The following OTOG variants were observed in gnomAD, a reference collection of about 807,000 sequenced individuals.
OTOG encodes the protein otogelin.
Under a neutral mutation model 313.8 loss-of-function variants are expected in OTOG, and 296 were observed. The observed-to-expected ratio is 0.94, with a 90% CI of 0.86 to 1.04. OTOG has a LOEUF of 1.04. Among genes scored for constraint, OTOG ranks in the 50% least tolerant of loss-of-function variants. The pLI, the probability that OTOG is intolerant of heterozygous loss-of-function variation, is 0.00. For synonymous variants in OTOG, 1,533 were observed against 1,554.9 expected (o/e 0.99, Z 0.33); for missense variants, 3,948 against 3,840.1 (o/e 1.03, Z -0.74).
At chr11:17,585,938 C>T (rs1852783870) in intron 23 of OTOG, among the ~76,000 whole-genome samples, 1 of 152,222 alleles carries the variant, frequency 6.6e-6, no homozygotes, top group African/African-American at 2.4e-5. Context: ...CTTAGCCCTG[C>T]CCCAGGCTGT....
chr11:17,571,519 C>T (rs531207130), intron 17 of OTOG, among the ~76,000 whole-genome samples: 87 of 152,260 alleles, frequency 5.7e-4, no homozygotes, highest in African/African-American at 2.0e-3. Context: ...CCTTGTATGA[C>T]GGTTTCCTAC....
At chr11:17,571,722 G>T (rs1418559677) in intron 17 of OTOG, among the ~76,000 whole-genome samples, 1 of 152,106 alleles carries the variant, frequency 6.6e-6, no homozygotes, top group Non-Finnish European at 1.5e-5. Context: ...AGCCCATTTT[G>T]AGCCCTTTTG....
intron 47 of OTOG, among the ~76,000 whole-genome samples, chr11:17,636,563 TGA>T (rs1181240923): frequency 6.6e-6 from 1 of 152,078 alleles, no homozygotes; most frequent in Non-Finnish European, 1.5e-5. Context: ...TCCCATCCCA[TGA>T]GAGTTGCCCA....
At chr11:17,631,944 C>T in intron 41 of OTOG, 22 bp downstream of exon 41, 2 of 1,547,736 alleles carry the variant, frequency 1.3e-6, no homozygotes, top group Non-Finnish European at 1.7e-6. Flanking sequence ...CTGGGTCCAG[C>T]ACTGGGGACA....
At chr11:17,632,440 C>T (rs1201611175) in intron 42 of OTOG, among the ~76,000 whole-genome samples, 1 of 151,894 alleles carries the variant, frequency 6.6e-6, no homozygotes, top group Admixed American at 6.6e-5. Context: ...CTAATGAACA[C>T]ATTTATTATG....
Position 17,569,253 on chromosome 11 carries a change from T to C in OTOG, c.1742T>C (p.Phe581Ser), listed in dbSNP as rs1005555470. Residue 581 changes from phenylalanine to serine, a missense_variant, in exon 16 of 56, where the codon TTT (phenylalanine) becomes TCT (serine). Coordinates refer to ENST00000399397, the MANE Select transcript of OTOG (RefSeq NM_001292063.2). Reference sequence around the variant, plus strand: ...ACCCAGGCAGGGGATGTCCTTCTGTTTGACCAGTACAAGATCATCCCGCCA... The same window carrying C: ...ACCCAGGCAGGGGATGTCCTTCTGTCTGACCAGTACAAGATCATCCCGCCA... ...TLTQAGDVLL[F>S]DQYKIIPPYT... The C allele has an allele frequency of 5.2e-6, 8 of 1,550,428 alleles. No individual in the cohort carries two copies. In the African/African-American group the frequency reaches 1.1e-4, roughly 21 times the overall value.
chr11:17,572,583 C>G (rs907711902), intron 18 of OTOG, among the ~76,000 whole-genome samples: 4 of 152,192 alleles, frequency 2.6e-5, no homozygotes, highest in Non-Finnish European at 4.4e-5. Context: ...ACAGTCAGGA[C>G]TGCTCTCCTC....
chr11:17,579,628 G>A (rs2134038351), intron 23 of OTOG, among the ~76,000 whole-genome samples: 1 of 152,326 alleles, frequency 6.6e-6, no homozygotes, highest in Admixed American at 6.5e-5. Flanking sequence ...GCAACCCTAG[G>A]CCTGACCACC....
At chr11:17,571,177 T>C (rs11821764) in intron 17 of OTOG, among the ~76,000 whole-genome samples, 4,886 of 152,280 alleles carry the variant, frequency 0.032, 264 homozygotes, top group African/African-American at 0.11. Flanking sequence ...TTTCAATGCA[T>C]ATATATTTAA....
At position 17,609,655 on chromosome 11, in the gene OTOG, G is replaced by C; in HGVS notation, c.4355G>C (p.Cys1452Ser). 6.7e-7 allele frequency: 1 copy of C among 1,486,556 alleles called. No homozygotes were observed. Among genetic ancestry groups the C allele is most frequent in the Non-Finnish European group, 9.0e-7 (1 of 1,113,650 alleles). 92.1% of individuals were successfully genotyped at this position (1,486,556 alleles called of 1,614,324 possible). A position where few individuals can be genotyped will look rare whatever the true frequency, so the allele number is the denominator to read the frequency against. The change falls in exon 36 of 56, where the codon TGT (cysteine) becomes TCT (serine). Residue 1452 changes from cysteine (C) to serine (S), a missense_variant and splice_region_variant. Transcript: ENST00000399397. ...TGAACCTCTTCTTTTGTCTCCGCAG[G>C]TGTGGAGCCAGCAGTTTGGGTTCCC... The part of the protein sequence containing the change: ...VTQRCVYLED[C>S]VEPAVWVPTE...
In OTOG at chr11:17,634,825, C is replaced by T. The variant is rs764248564; in HGVS notation, c.7481-19C>T. 5.8e-6 allele frequency: 9 copies of T among 1,546,578 alleles called. 1 individual carries two copies. In the South Asian group the frequency reaches 6.0e-5, roughly 10 times the overall value. On this transcript the variant is annotated intron_variant, in intron 44 of 55. Coordinates refer to ENST00000399397, the MANE Select transcript of OTOG (RefSeq NM_001292063.2). ...ACATCCGGCCCCGAGGTGACAGGCC[C>T]TGTGGTCCCCGGGGCCAGTGTGTAA...
intron 17 of OTOG, among the ~76,000 whole-genome samples, chr11:17,571,877 C>T (rs1035407568): frequency 4.6e-5 from 7 of 151,994 alleles, no homozygotes; most frequent in African/African-American, 1.7e-4. Flanking sequence ...TATTTGTGCT[C>T]TGTGTGTGTG....
intron 29 of OTOG, 70 bp from the exon 30 acceptor site, chr11:17,596,781 A>C: frequency 7.2e-7 from 1 of 1,392,796 alleles, no homozygotes; most frequent in Non-Finnish European, 9.9e-7. Flanking sequence ...GCTGGTCGTC[A>C]TCAGCTGAAA....
Position 17,645,855 on chromosome 11 carries a change from C to T in OTOG, c.8653C>T (p.Arg2885Cys), listed in dbSNP as rs185641221. The change falls in exon 56 of 56, where the codon CGC becomes TGC. Residue 2885 changes from arginine to cysteine, a missense_variant. By Grantham distance (180) the Arg-to-Cys change is radical. Transcript: ENST00000399397. ...CTGCCGTGAGGTGGGCCTGCAGCGG[C>T]GCTCTGTGCAGCTCTTCTGTGCCAC... ...KCCREVGLQR[R>C]SVQLFCATNA... 2.8e-5 allele frequency: 43 copies of T among 1,550,842 alleles called. No homozygotes were observed. The highest frequency in any genetic ancestry group is 2.0e-4 in the African/African-American group (15 of 73,180).
chr11:17,572,037 C>A (rs1053126424), intron 17 of OTOG, 43 bp from the exon 18 acceptor site: 65 of 1,549,138 alleles, frequency 4.2e-5, no homozygotes, highest in Non-Finnish European at 5.0e-5. Flanking sequence ...CCCCCTGAGT[C>A]CACAGGGGCA....
At chr11:17,549,848 A>G (rs1204841601) in intron 3 of OTOG, among the ~76,000 whole-genome samples, 1 of 150,910 alleles carries the variant, frequency 6.6e-6, no homozygotes, top group African/African-American at 2.4e-5. Flanking sequence ...AGGTGACAGG[A>G]GTTGGGGGGT....
In OTOG at chr11:17,605,894, C is replaced by T; in HGVS notation, c.3915C>T (p.Pro1305=). 1.9e-6 allele frequency: 3 copies of T among 1,549,822 alleles called. No individual in the cohort carries two copies. Among genetic ancestry groups the T allele is most frequent in the Non-Finnish European group, 2.6e-6 (3 of 1,146,448 alleles). Residue 1305 remains proline (P), a synonymous_variant, in exon 33 of 56, where the codon CCC becomes CCT. Coordinates refer to ENST00000399397, the MANE Select transcript of OTOG (RefSeq NM_001292063.2). ...DVVSLEAADR[P]NFFLHVTANG... ...TGTCCCTGGAGGCAGCAGACAGACC[C>T]AACTTCTTCCTTCACGTCACAGCCA...
chr11:17,602,904 A>G (rs1311520221), intron 32 of OTOG, among the ~76,000 whole-genome samples: 1 of 152,226 alleles, frequency 6.6e-6, no homozygotes, highest in Non-Finnish European at 1.5e-5. Context: ...CCAAAGGCGG[A>G]ACACGGGGGA....
chr11:17,635,200 C>T lies in OTOG; in HGVS notation c.7693+13C>T, dbSNP rs773422239. On this transcript the variant is annotated intron_variant, in intron 46 of 55. Transcript: ENST00000399397. ...TCCTACTTCTGCGGTGGGTCGCCGC[C>T]ACCAGACGCCAGCGCACACAGCCTG... is the stretch of plus-strand genomic sequence containing the variant. The T allele has an allele frequency of 2.4e-4, 360 of 1,529,580 alleles. No homozygotes were observed. The highest frequency in any genetic ancestry group is 3.0e-4 in the Non-Finnish European group (337 of 1,138,824). The allele number at this position is 1,529,580 out of a possible 1,614,324, so 94.8% of individuals were successfully genotyped here. A position where few individuals can be genotyped will look rare whatever the true frequency, so the allele number is the denominator to read the frequency against.
Sources: allele counts gnomAD v4.1 joint callset (sites outside exome capture counted in the v4.1 genomes callset), GRCh38; gene constraint gnomAD v4.1.1; transcripts MANE v1.5; gene names NCBI Gene and HGNC (gene_info 2026-07-23, HGNC 2026-07-21).